The following AHCYL1 variants were observed in gnomAD, a reference collection of about 807,000 sequenced individuals.
The protein encoded by AHCYL1 is adenosylhomocysteinase like 1, also known as S-adenosylhomocysteine hydrolase-like protein 1.
In AHCYL1, 20 loss-of-function variants were observed where a neutral mutation model predicts 79.3. The observed-to-expected ratio is 0.25, with a 90% confidence interval of 0.18 to 0.37. AHCYL1 has a LOEUF of 0.37. AHCYL1 is among the 10% of genes least tolerant of loss of function. AHCYL1 has a pLI of 1.00. For missense variants in AHCYL1, 330 were observed against 673.6 expected (o/e 0.49, Z 5.65); for synonymous variants, 223 against 242.2 (o/e 0.92, Z 0.74).
chr1:110,010,634 T>G (rs988015892), intron 2 of AHCYL1, among the ~76,000 whole-genome samples: 1 of 152,212 alleles, frequency 6.6e-6, no homozygotes, highest in Non-Finnish European at 1.5e-5. Context: ...CTTATCACTT[T>G]TGTCTATATC....
At chr1:109,990,354 A>T (rs941387273) in intron 1 of AHCYL1, among the ~76,000 whole-genome samples, 1 of 152,160 alleles carries the variant, frequency 6.6e-6, no homozygotes, top group Non-Finnish European at 1.5e-5. Context: ...TTGTACCTAG[A>T]GTGACCATAT....
chr1:109,998,294 G>A (rs957310222), intron 1 of AHCYL1, among the ~76,000 whole-genome samples: 11 of 151,852 alleles, frequency 7.2e-5, no homozygotes, highest in Admixed American at 2.6e-4. Context: ...CTAAGTTTTC[G>A]GAAAAATTAT....
chr1:110,000,497 A>G (rs1650250738), intron 1 of AHCYL1, among the ~76,000 whole-genome samples: 1 of 152,244 alleles, frequency 6.6e-6, no homozygotes, highest in Non-Finnish European at 1.5e-5. Context: ...TAAAAACATT[A>G]CATTTCTTTG....
intron 9 of AHCYL1, 64 bp from the exon 10 acceptor site, chr1:110,017,431 C>A: frequency 2.0e-6 from 3 of 1,497,840 alleles, no homozygotes; most frequent in South Asian, 1.1e-5. Context: ...CACAAATAAC[C>A]TACCTACCCT....
intron 16 of AHCYL1, among the ~76,000 whole-genome samples, 182 bp downstream of exon 16, chr1:110,021,033 G>A (rs1651762522): frequency 6.6e-6 from 1 of 152,198 alleles, no homozygotes; most frequent in African/African-American, 2.4e-5. Flanking sequence ...CTAGGCGGAT[G>A]GATCACTTGA....
Position 110,014,867 on chromosome 1 carries a change from C to T in AHCYL1, c.675+10C>T. 1 of 1,603,308 alleles carries T rather than the reference C, an allele frequency of 6.2e-7. No homozygotes were observed. The highest frequency in any genetic ancestry group is 8.5e-7 in the Non-Finnish European group (1 of 1,170,060). On this transcript the variant is annotated intron_variant, in intron 6 of 16. Coordinates refer to ENST00000369799, the MANE Select transcript of AHCYL1 (RefSeq NM_006621.7). ...GTGGCAGGCCAACATGGTAATAATG[C>T]ATATACATCCTACACTTTGACAATA...
intron 1 of AHCYL1, among the ~76,000 whole-genome samples, chr1:109,993,610 G>C (rs1255081706): frequency 1.3e-5 from 2 of 152,194 alleles, no homozygotes; most frequent in African/African-American, 4.8e-5. Flanking sequence ...AAGAACTGCA[G>C]GTGAGAAATT....
Position 110,016,722 on chromosome 1 carries a change from T to G in AHCYL1, c.955T>G (p.Tyr319Asp). ...FGGKQVVVCGYGEVGKGCCAA... is the reference protein window; with the variant it reads ...FGGKQVVVCGDGEVGKGCCAA... The stretch of plus-strand genomic sequence containing the variant: ...TGGGAAACAAGTGGTGGTGTGTGGC[T>G]ATGGTGAGGTAAATAGCTGGGTCTC... Residue 319 changes from tyrosine to aspartate, a missense_variant, in exon 9 of 17, where the codon TAT becomes GAT. Around this residue, in one of 6 missense-constraint regions of AHCYL1, gnomAD observed 119 missense variants for 293.3 expected, o/e 0.41. Coordinates refer to ENST00000369799, the MANE Select transcript of AHCYL1 (RefSeq NM_006621.7). 1 of 1,614,158 alleles carries G rather than the reference T, an allele frequency of 6.2e-7. No homozygotes were observed. Among genetic ancestry groups the G allele is most frequent in the South Asian group, 1.1e-5 (1 of 91,086 alleles).
At chr1:110,019,336 T>A (rs1463187473) in intron 14 of AHCYL1, among the ~76,000 whole-genome samples, 5 of 152,240 alleles carry the variant, frequency 3.3e-5, no homozygotes, top group Non-Finnish European at 5.9e-5. Context: ...TCCAGCTTAG[T>A]TTTATTTGAT....
At chr1:109,996,817 AC>A (rs1650060894) in intron 1 of AHCYL1, among the ~76,000 whole-genome samples, 1 of 152,122 alleles carries the variant, frequency 6.6e-6, no homozygotes, top group Non-Finnish European at 1.5e-5. Flanking sequence ...TCATTGACCA[AC>A]CTTCATTACA....
rs1260582653 is a variant in AHCYL1, at chr1:110,014,870, A to G, written c.675+13A>G. On this transcript the variant is annotated intron_variant, in intron 6 of 16. Coordinates refer to ENST00000369799, the MANE Select transcript of AHCYL1 (RefSeq NM_006621.7). ...GCAGGCCAACATGGTAATAATGCAT[A>G]TACATCCTACACTTTGACAATAGAT... 3 of 1,603,138 alleles carry G rather than the reference A, an allele frequency of 1.9e-6. No individual in the cohort carries two copies. Among genetic ancestry groups the G allele is most frequent in the Non-Finnish European group, 2.6e-6 (3 of 1,170,054 alleles).
At chr1:110,001,489 A>G (rs1161143254) in intron 1 of AHCYL1, among the ~76,000 whole-genome samples, 2 of 152,198 alleles carry the variant, frequency 1.3e-5, no homozygotes, top group African/African-American at 2.4e-5. Flanking sequence ...CCCGGCCTTG[A>G]CAGCTTTTTA....
At chr1:110,016,814 G>T in intron 9 of AHCYL1, 84 bp downstream of exon 9, 2 of 1,511,234 alleles carry the variant, frequency 1.3e-6, no homozygotes, top group Non-Finnish European at 1.8e-6. Context: ...TGTCAATCTA[G>T]AGTCACTGAT....
intron 1 of AHCYL1, chr1:110,003,833 A>T: frequency 1.4e-6 from 1 of 717,514 alleles, no homozygotes; most frequent in Non-Finnish European, 1.7e-6. Flanking sequence ...TGTCCTACTT[A>T]CTGCCTTTTT....
chr1:109,997,215 T>C (rs1344446310), intron 1 of AHCYL1, among the ~76,000 whole-genome samples: 1 of 152,252 alleles, frequency 6.6e-6, no homozygotes, highest in East Asian at 1.9e-4. Context: ...ATTTCCCTAA[T>C]GTGCTAATTT....
rs1651130687 is a variant in AHCYL1 at position 110,012,844 on chromosome 1, A to T, written c.478-53A>T. 10 of 1,436,002 alleles carry T rather than the reference A, an allele frequency of 7.0e-6. No individual in the cohort carries two copies. In the Admixed American group the frequency reaches 1.1e-4, roughly 16 times the overall value. The allele number at this position is 1,436,002 out of a possible 1,614,324, so 89.0% of individuals were successfully genotyped here. A position where few individuals can be genotyped will look rare whatever the true frequency, so the allele number is the denominator to read the frequency against. ...GCTATCTTGATGAGGCTTGCTCTCC[A>T]TTCCTGGGTGGCCCTTCTCTTCCTC... On this transcript the variant is annotated intron_variant, in intron 4 of 16. Transcript: ENST00000369799.
At chr1:110,008,384 A>G (rs1650802942) in intron 1 of AHCYL1, among the ~76,000 whole-genome samples, 1 of 152,124 alleles carries the variant, frequency 6.6e-6, no homozygotes, top group Non-Finnish European at 1.5e-5. Context: ...AATGAGTTAG[A>G]ATTTACTATA....
At chr1:110,020,231 T>C (rs1651704043) in intron 15 of AHCYL1, among the ~76,000 whole-genome samples, 1 of 152,210 alleles carries the variant, frequency 6.6e-6, no homozygotes, top group African/African-American at 2.4e-5. Context: ...GGGAAGCTTA[T>C]CTATGGAAAA....
rs183540829 is a variant in AHCYL1 at position 110,000,910 on chromosome 1, T to C, written c.121-8124T>C. 1.4e-5 allele frequency: 14 copies of C among 974,920 alleles called. No homozygotes were observed. In the Middle Eastern group the frequency reaches 2.6e-3, roughly 183 times the overall value. The allele number at this position is 974,920 out of a possible 1,614,324, so 60.4% of individuals were successfully genotyped here. ...TTGAAAATACAAACCCTCTGTAAACTGTAAGCCACAGGTGTTGAGGCAAAG... is the reference window on the plus strand; with the variant it reads ...TTGAAAATACAAACCCTCTGTAAACCGTAAGCCACAGGTGTTGAGGCAAAG... On this transcript the variant is annotated intron_variant, in intron 1 of 16. Coordinates refer to ENST00000369799, the MANE Select transcript of AHCYL1 (RefSeq NM_006621.7).
Sources: gnomAD v4.1 joint callset for allele counts (sites outside exome capture counted in the v4.1 genomes callset) on GRCh38, gnomAD v4.1.1 for gene constraint, gnomAD v4.1.1 regional missense constraint, MANE v1.5 for transcripts, NCBI Gene and HGNC (gene_info 2026-07-23, HGNC 2026-07-21) for gene names.